MCM5: variants seen among roughly 807,000 people sequenced by gnomAD.
MCM5 encodes minichromosome maintenance complex component 5, also known as DNA replication licensing factor MCM5.
In MCM5, 46 loss-of-function variants were observed where a neutral mutation model predicts 79.9. The observed-to-expected ratio is 0.58, with a 90% CI of 0.45 to 0.74. MCM5 has a LOEUF of 0.74. Ranked by LOEUF, MCM5 falls within the 30% of genes least tolerant of loss-of-function variation. MCM5 has a pLI of 0.00. For synonymous variants in MCM5, 404 were observed against 390.5 expected (o/e 1.03, Z -0.41); for missense variants, 883 against 1,017.0 (o/e 0.87, Z 1.79).
rs1355133104 is a variant in MCM5, at chr22:35,424,169, G to A, written c.2119G>A (p.Ala707Thr). Residue 707 changes from alanine to threonine, a missense_variant, in exon 17 of 17, where the codon GCC becomes ACC. By Grantham distance (58) the Ala-to-Thr change is moderately conservative. This residue lies in a region of MCM5 where 426 missense variants were observed against 482.3 expected (regional missense o/e 0.88). Coordinates refer to ENST00000216122, the MANE Select transcript of MCM5 (RefSeq NM_006739.4). Reference sequence around the variant, plus strand: ...GCTCCCACAGAAATACCCGGAGCACGCCATCCACAAGGTGCTGCAGCTCAT... The same window carrying A: ...GCTCCCACAGAAATACCCGGAGCACACCATCCACAAGGTGCTGCAGCTCAT... ...DFTKQKYPEH[A>T]IHKVLQLMLR... 6.4e-7 allele frequency: 1 copy of A among 1,550,754 alleles called. No homozygotes were observed. The highest frequency in any genetic ancestry group is 8.7e-7 in the Non-Finnish European group (1 of 1,146,742).
chr22:35,433,887 A>G, the MCM5 span, among the ~76,000 whole-genome samples: 1 of 152,126 alleles, frequency 6.6e-6, no homozygotes, highest in Non-Finnish European at 1.5e-5. Flanking sequence ...CCAAGATCCC[A>G]TGGACTCAAG....
intron 14 of MCM5, 30 bp from the exon 15 acceptor site, chr22:35,421,288 G>A (rs1433266604): frequency 6.2e-7 from 1 of 1,605,782 alleles, no homozygotes; most frequent in Non-Finnish European, 8.5e-7. Flanking sequence ...GCGGACCGAG[G>A]CTACCCTGAG....
chr22:35,408,817 G>A (rs1364788598), intron 6 of MCM5, among the ~76,000 whole-genome samples: 3 of 152,222 alleles, frequency 2.0e-5, no homozygotes, highest in Admixed American at 2.0e-4. Flanking sequence ...ATGACTTCCT[G>A]TGTGGAGGAG....
chr22:35,400,178 C>A lies in MCM5; in HGVS notation c.-39C>A, dbSNP rs919502307. 1.2e-5 allele frequency: 6 copies of A among 499,142 alleles called. No individual in the cohort carries two copies. Among genetic ancestry groups the A allele is most frequent in the African/African-American group, 3.9e-5 (2 of 51,002 alleles). The allele number at this position is 499,142 out of a possible 1,614,324, so 30.9% of individuals were successfully genotyped here. On this transcript the variant is annotated 5_prime_UTR_variant, in exon 1 of 17. Coordinates refer to ENST00000216122, the MANE Select transcript of MCM5 (RefSeq NM_006739.4). ...CGGCTGAGCGTGGAGGTTCTTGTCTCCCCTGGTTTGTGAAGTGCGGAAAAC... is the reference window on the plus strand; with the variant it reads ...CGGCTGAGCGTGGAGGTTCTTGTCTACCCTGGTTTGTGAAGTGCGGAAAAC...
In MCM5 at chr22:35,415,963, G is replaced by A; in HGVS notation, c.1338G>A (p.Glu446=). 1.2e-6 allele frequency: 2 copies of A among 1,613,160 alleles called. No homozygotes were observed. Among genetic ancestry groups the A allele is most frequent in the Non-Finnish European group, 1.7e-6 (2 of 1,179,150 alleles). The change falls in exon 10 of 17, where the codon GAG becomes GAA. Residue 446 remains glutamate (E), a synonymous_variant. Coordinates refer to ENST00000216122, the MANE Select transcript of MCM5 (RefSeq NM_006739.4). Reference sequence around the variant, plus strand: ...ATGGTGGGGTCGTCTGTATTGACGAGTTTGACAAGGTGAGTCTGATGAGGT... The same window carrying A: ...ATGGTGGGGTCGTCTGTATTGACGAATTTGACAAGGTGAGTCTGATGAGGT... ...LADGGVVCID[E]FDKMREDDRV...
At chr22:35,417,649 G>A (rs1293708023) in intron 12 of MCM5, 95 bp from the exon 13 acceptor site, 2 of 847,304 alleles carry the variant, frequency 2.4e-6, no homozygotes, top group Non-Finnish European at 4.0e-6. Flanking sequence ...TTGATGCCAG[G>A]GCCCCATCAG....
chr22:35,434,812 C>A, the MCM5 span, among the ~76,000 whole-genome samples: 59,893 of 152,108 alleles, frequency 0.39, 14,041 homozygotes, highest in Middle Eastern at 0.54. Context: ...CTGTCCCCAT[C>A]TTTACCCCGA....
downstream of MCM5, among the ~76,000 whole-genome samples, chr22:35,428,940 A>G (rs1932794432): frequency 7.5e-6 from 1 of 133,656 alleles, no homozygotes; most frequent in African/African-American, 2.9e-5. Flanking sequence ...CTACAGGCGC[A>G]TGCCAGTATT....
the MCM5 span, among the ~76,000 whole-genome samples, chr22:35,451,532 G>A: frequency 4.6e-5 from 7 of 152,234 alleles, no homozygotes; most frequent in East Asian, 1.9e-4. Context: ...AGCCCCAGAC[G>A]GGCCTCGAGC....
At position 35,403,466 on chromosome 22, in the gene MCM5, C is replaced by G. The variant is rs777273291; in HGVS notation, c.347C>G (p.Ser116Cys). The G allele has an allele frequency of 6.2e-6, 10 of 1,614,052 alleles. No individual in the cohort carries two copies. The highest frequency in any genetic ancestry group is 8.5e-6 in the Non-Finnish European group (10 of 1,180,042). Residue 116 changes from serine (S) to cysteine (C), a missense_variant, in exon 4 of 17, where the codon TCT (serine) becomes TGT (cysteine). Ser to Cys is a moderately radical substitution (Grantham distance 112). Around this residue, in one of 3 missense-constraint regions of MCM5, gnomAD observed 455 missense variants for 517.5 expected, o/e 0.88. Transcript: ENST00000216122. ...GATGAGGTGACCCGGCCCCGGCCTTCTGGGGAGGAGGTGCTCCAGGACATC... is the reference window on the plus strand; with the variant it reads ...GATGAGGTGACCCGGCCCCGGCCTTGTGGGGAGGAGGTGCTCCAGGACATC... ...VADEVTRPRP[S>C]GEEVLQDIQV... is the part of the protein sequence containing the mutation.
At chr22:35,426,427 G>A (rs133436), downstream of MCM5, among the ~76,000 whole-genome samples, 2 of 151,922 alleles carry the variant, frequency 1.3e-5, no homozygotes, top group Non-Finnish European at 2.9e-5. Context: ...GTGGGGCAAG[G>A]GGGGGAGCTG....
At position 35,408,591 on chromosome 22, in the gene MCM5, A is replaced by G. The variant is rs529986362; in HGVS notation, c.752+28A>G. 12 of 1,592,852 alleles carry G rather than the reference A, an allele frequency of 7.5e-6. No homozygotes were observed. The African/African-American group carries it at 1.3e-4, about 18-fold the overall frequency. Reference sequence around the variant, plus strand: ...GAGGCAGACGGGCTGGGAGGTGGGCATCTACGACGGTGGATGTCCCAGCTG... The same window carrying G: ...GAGGCAGACGGGCTGGGAGGTGGGCGTCTACGACGGTGGATGTCCCAGCTG... On this transcript the variant is annotated intron_variant, in intron 6 of 16. Transcript: ENST00000216122.
At chr22:35,454,662 T>C in the MCM5 span, among the ~76,000 whole-genome samples, 30 of 152,346 alleles carry the variant, frequency 2.0e-4, no homozygotes, top group Non-Finnish European at 4.1e-4. Flanking sequence ...TTGACCTCTC[T>C]GAGCCTCTGA....
Position 35,406,492 on chromosome 22 carries a change from C to T in MCM5, c.424-61C>T, listed in dbSNP as rs778946410. The T allele has an allele frequency of 4.7e-4, 695 of 1,486,632 alleles. 4 individuals carry two copies. The highest frequency in any genetic ancestry group is 6.0e-4 in the Non-Finnish European group (646 of 1,079,224). 92.1% of individuals were successfully genotyped at this position (1,486,632 alleles called of 1,614,324 possible). A position where few individuals can be genotyped will look rare whatever the true frequency, so the allele number is the denominator to read the frequency against. On this transcript the variant is annotated intron_variant, in intron 4 of 16. Coordinates refer to ENST00000216122, the MANE Select transcript of MCM5 (RefSeq NM_006739.4). ...GGCTCCTGCCCAGGATATTTACTGG[C>T]ATATCTCAGATGCGTCCTGGCTCCC... is the stretch of plus-strand genomic sequence containing the variant.
intron 9 of MCM5, among the ~76,000 whole-genome samples, chr22:35,415,432 T>C (rs1253620697): frequency 6.6e-6 from 1 of 152,044 alleles, no homozygotes. Flanking sequence ...TGTAGGTCTA[T>C]ATAGAGACGA....
chr22:35,419,633 C>A (rs1290805530), intron 13 of MCM5, among the ~76,000 whole-genome samples: 1 of 152,162 alleles, frequency 6.6e-6, no homozygotes, highest in Non-Finnish European at 1.5e-5. Context: ...TGCAGACGTG[C>A]CTGGCTTTTC....
At chr22:35,430,100 G>A (rs902477638), downstream of MCM5, among the ~76,000 whole-genome samples, 1 of 152,208 alleles carries the variant, frequency 6.6e-6, no homozygotes, top group African/African-American at 2.4e-5. Flanking sequence ...TTGTGGTCAG[G>A]TTGGGCTGAA....
the MCM5 span, among the ~76,000 whole-genome samples, chr22:35,445,511 A>AT: frequency 0.018 from 113 of 6,110 alleles, no homozygotes; most frequent in African/African-American, 0.025. Flanking sequence ...GTATTTTTGT[A>AT]TTTTTTTTTT....
At chr22:35,416,499 C>T in intron 11 of MCM5, 95 bp downstream of exon 11, 1 of 1,406,816 alleles carries the variant, frequency 7.1e-7, no homozygotes, top group Admixed American at 1.7e-5. Flanking sequence ...TCTCTTTGCC[C>T]AGGCCTAGAA....
Sources: allele counts gnomAD v4.1 joint callset (sites outside exome capture counted in the v4.1 genomes callset), GRCh38; gene constraint gnomAD v4.1.1; regional missense constraint gnomAD v4.1.1; transcripts MANE v1.5; gene names NCBI Gene and HGNC (gene_info 2026-07-23, HGNC 2026-07-21).